The following AQP7 variants were observed in gnomAD, a reference collection of about 807,000 sequenced individuals.
AQP7 encodes the protein aquaporin-7.
A neutral mutation model predicts 26.1 loss-of-function variants in AQP7; 22 were observed. The ratio of observed to expected loss-of-function variants is 0.84; its 90% CI spans 0.60 to 1.20. The LOEUF is 1.20. AQP7 is among the 50% of genes most tolerant of loss of function. AQP7 has a pLI of 0.00. For synonymous variants in AQP7, 167 were observed against 181.7 expected, an observed-to-expected ratio of 0.92 and a Z score of 0.65; for missense variants, 412 against 457.5, an observed-to-expected ratio of 0.90 and a Z score of 0.91.
intron 3 of AQP7, among the ~76,000 whole-genome samples, chr9:33,389,022 AATTTT>A (rs1825127315): frequency 9.1e-6 from 1 of 109,796 alleles, no homozygotes; most frequent in Non-Finnish European, 1.8e-5. Context: ...GCACCCAGCC[AATTTT>A]TTTTTTTTTT....
chr9:33,400,562 A>G (rs979414485), intron 2 of AQP7, among the ~76,000 whole-genome samples: 3 of 152,130 alleles, frequency 2.0e-5, no homozygotes. Context: ...CGGGTGGATC[A>G]CCTGAGGTCA....
intron 3 of AQP7, among the ~76,000 whole-genome samples, chr9:33,392,795 G>A (rs2118829192): frequency 6.6e-6 from 1 of 152,320 alleles, no homozygotes; most frequent in South Asian, 2.1e-4. Context: ...GAGGCAGAGA[G>A]GAGAGAGCAG....
Position 33,401,238 on chromosome 9 carries a change from G to A in AQP7, c.25C>T (p.Arg9Trp), listed in dbSNP as rs143724569. The change falls in exon 2 of 8, where the codon CGG becomes TGG. Residue 9 changes from arginine (R) to tryptophan (W), a missense_variant and splice_region_variant. Arg to Trp is a moderately radical substitution (Grantham distance 101). Transcript: ENST00000297988. MVQASGHRRSTRGSKMVSW... is the reference protein window; with the variant it reads MVQASGHRWSTRGSKMVSW... ...GTGAGAAGAGGGTGGGGTACTTACC[G>A]CCTGTGCCCGGATGCTTGAACCATG... 19 of 1,549,332 alleles carry A rather than the reference G, an allele frequency of 1.2e-5. No homozygotes were observed. Among genetic ancestry groups the A allele is most frequent in the African/African-American group, 8.2e-5 (6 of 73,066 alleles).
chr9:33,394,486 CTTT>C (rs56966031), intron 3 of AQP7, among the ~76,000 whole-genome samples: 10 of 115,110 alleles, frequency 8.7e-5, no homozygotes, highest in East Asian at 4.9e-4. Flanking sequence ...CTCTCTCTCT[CTTT>C]TTTTTTTTTT....
At chr9:33,390,485 AAGTC>A (rs1825288109) in intron 3 of AQP7, among the ~76,000 whole-genome samples, 1 of 152,008 alleles carries the variant, frequency 6.6e-6, no homozygotes, top group East Asian at 1.9e-4. Context: ...AAAAAAAAAA[AAGTC>A]AGAGTACAGA....
At chr9:33,394,486 CTTTTTTTTTTTTTTTCTT>C (rs1402077897) in intron 3 of AQP7, among the ~76,000 whole-genome samples, 1 of 115,112 alleles carries the variant, frequency 8.7e-6, no homozygotes, top group Non-Finnish European at 1.9e-5. Context: ...CTCTCTCTCT[CTTTTTTTTTTTTTTTCTT>C]TTTTTTTTTT....
At chr9:33,386,860 A>G in intron 4 of AQP7, 109 bp downstream of exon 4, 1 of 1,511,938 alleles carries the variant, frequency 6.6e-7, no homozygotes, top group African/African-American at 1.4e-5. Context: ...CCCGGTGGCC[A>G]GGCTGAGGCA....
chr9:33,390,893 T>C (rs1047899059), intron 3 of AQP7, among the ~76,000 whole-genome samples: 1 of 152,190 alleles, frequency 6.6e-6, no homozygotes, highest in African/African-American at 2.4e-5. Flanking sequence ...AGGCCGATCA[T>C]GAGGTCAGGA....
chr9:33,395,003 T>A (rs1349408322), intron 3 of AQP7, 75 bp downstream of exon 3: 5 of 1,269,964 alleles, frequency 3.9e-6, no homozygotes, highest in Non-Finnish European at 5.7e-6. Flanking sequence ...ATGTGACCCA[T>A]GGGGTCAGCA....
At chr9:33,395,551 G>T (rs757016601) in intron 2 of AQP7, 9 of 275,786 alleles carry the variant, frequency 3.3e-5, no homozygotes, top group Non-Finnish European at 5.6e-5. Flanking sequence ...AGGCTGGAAA[G>T]TGGAGCTCAG....
intron 2 of AQP7, 196 bp downstream of exon 2, chr9:33,401,041 C>T (rs1362889541): frequency 1.6e-6 from 1 of 637,402 alleles, no homozygotes; most frequent in Non-Finnish European, 2.8e-6. Context: ...TCCCCTCACC[C>T]CAGGACCCAG....
chr9:33,386,734 A>G (rs1824849240), intron 4 of AQP7, among the ~76,000 whole-genome samples, 193 bp from the exon 5 acceptor site: 1 of 152,242 alleles, frequency 6.6e-6, no homozygotes, highest in Non-Finnish European at 1.5e-5. Context: ...TGAGGAACAC[A>G]GAGGCGATGG....
Position 33,395,131 on chromosome 9 carries a change from T to C in AQP7, c.91A>G (p.Arg31Gly). ...VIAKIQEILQ[R>G]KMVREFLAEF... Reference sequence around the variant, plus strand: ...GCCAGGAACTCTCGCACCATCTTCCTCTGCAGTATTTCCTGGATCTTTGCT... The same window carrying C: ...GCCAGGAACTCTCGCACCATCTTCCCCTGCAGTATTTCCTGGATCTTTGCT... Residue 31 changes from arginine (R) to glycine (G), a missense_variant, in exon 3 of 8, where the codon AGG becomes GGG. Physicochemically the swap from Arg to Gly is moderately radical, Grantham distance 125 (BLOSUM62 -2). Coordinates refer to ENST00000297988, the MANE Select transcript of AQP7 (RefSeq NM_001170.3). 1 of 1,613,868 alleles carries C rather than the reference T, an allele frequency of 6.2e-7. No homozygotes were observed.
At chr9:33,398,625 G>A (rs868270976) in intron 2 of AQP7, among the ~76,000 whole-genome samples, 1 of 152,246 alleles carries the variant, frequency 6.6e-6, no homozygotes, top group African/African-American at 2.4e-5. Context: ...CTAGTGTGGG[G>A]CGCAGCAGAG....
intron 3 of AQP7, among the ~76,000 whole-genome samples, chr9:33,392,444 G>A (rs1191282433): frequency 2.6e-4 from 40 of 152,068 alleles, no homozygotes; most frequent in Non-Finnish European, 7.4e-5. Context: ...TACTTCACAG[G>A]GCTATTGCGA....
At chr9:33,387,795 G>A (rs546338468) in intron 3 of AQP7, among the ~76,000 whole-genome samples, 19 of 152,028 alleles carry the variant, frequency 1.2e-4, no homozygotes, top group South Asian at 6.2e-4. Context: ...AGAGGCCTCC[G>A]TCTCCCCCAT....
intron 3 of AQP7, among the ~76,000 whole-genome samples, chr9:33,393,208 A>G (rs1825567212): frequency 6.6e-6 from 1 of 152,196 alleles, no homozygotes; most frequent in Admixed American, 6.5e-5. Flanking sequence ...ATCCTAGGAG[A>G]CAGAGTGAGA....
chr9:33,399,793 G>C (rs1029052372), intron 2 of AQP7, among the ~76,000 whole-genome samples: 2 of 152,092 alleles, frequency 1.3e-5, no homozygotes, highest in African/African-American at 4.8e-5. Flanking sequence ...CCTGAAGGGG[G>C]TTTTGAAGAA....
Position 33,384,918 on chromosome 9 carries a change from C to T in AQP7, c.*87G>A, listed in dbSNP as rs1222941094. 1 of 1,469,152 alleles carries T rather than the reference C, an allele frequency of 6.8e-7. No homozygotes were observed. The highest frequency in any genetic ancestry group is 2.3e-5 in the East Asian group (1 of 43,910). The allele number at this position is 1,469,152 out of a possible 1,614,324, so 91.0% of individuals were successfully genotyped here. ...TAAGAACCCAGGAGGGAAGCCCAAC[C>T]ACAGGAGGCCCCCAGGAAGTGGGGG... is the stretch of plus-strand genomic sequence containing the variant. On this transcript the variant is annotated 3_prime_UTR_variant, in exon 8 of 8. Transcript: ENST00000297988.
Sources: allele counts gnomAD v4.1 joint callset (sites outside exome capture counted in the v4.1 genomes callset), GRCh38; gene constraint gnomAD v4.1.1; transcripts MANE v1.5; gene names NCBI Gene and HGNC (gene_info 2026-07-23, HGNC 2026-07-21).